Variants in LARP1 observed in about 807,000 individuals in gnomAD.
The protein encoded by LARP1 is La ribonucleoprotein 1, translational regulator, also known as la-related protein 1.
In LARP1, 36 loss-of-function variants were observed where a neutral mutation model predicts 122.7. The observed-to-expected ratio is 0.29, with a 90% CI of 0.22 to 0.39. LARP1 has a LOEUF of 0.39. Ranked by LOEUF, LARP1 falls within the 10% of genes least tolerant of loss-of-function variation. The pLI, the probability that LARP1 is intolerant of heterozygous loss-of-function variation, is 1.00. For missense variants in LARP1, 1,040 were observed against 1,403.6 expected (o/e 0.74, Z 4.14); for synonymous variants, 539 against 528.7 (o/e 1.02, Z -0.27).
chr5:154,805,099 T>C, intron 14 of LARP1: 1 of 337,992 alleles, frequency 3.0e-6, no homozygotes, highest in Non-Finnish European at 5.8e-6. Context: ...TAAAAAATAT[T>C]ACTAAGAAAA....
rs559301337 is a variant in LARP1 at position 154,705,178 on chromosome 5, A to G, written c.-180+22141A>G. On this transcript the variant is annotated intron_variant, in intron 1 of 18. Coordinates refer to the LARP1 transcript ENST00000687700. ...ACACTTCTCAAAAGAAAACATACAC[A>G]CAGCCAACTAGCATATGAAAAAATG... Among the ~76,000 whole-genome samples the G allele has an allele frequency of 4.6e-5, 7 of 152,000 alleles. No individual in the cohort carries two copies. The South Asian group carries it at 1.5e-3, about 32-fold the overall frequency.
At chr5:154,785,924 C>T (rs1756843515) in intron 1 of LARP1, among the ~76,000 whole-genome samples, 1 of 152,166 alleles carries the variant, frequency 6.6e-6, no homozygotes, top group African/African-American at 2.4e-5. Context: ...CTCAAAATAA[C>T]CTTAAGTAAT....
chr5:154,795,394 GA>G, intron 8 of LARP1, 75 bp downstream of exon 8: 1 of 1,470,574 alleles, frequency 6.8e-7, no homozygotes, highest in Non-Finnish European at 9.3e-7. Context: ...GGCCAAGGCA[GA>G]AAGCCCTGGA....
intron 1 of LARP1, among the ~76,000 whole-genome samples, chr5:154,767,202 T>C (rs905076055): frequency 9.2e-5 from 14 of 152,320 alleles, no homozygotes; most frequent in African/African-American, 3.4e-4. Context: ...AATGGGGCTA[T>C]AGCTGGAGTG....
rs367704683 is a variant in LARP1, at chr5:154,793,977, G to A, written c.1046G>A (p.Gly349Glu). The change falls in exon 6 of 19, where the codon GGA becomes GAA. Residue 349 changes from glycine (G) to glutamate (E), a missense_variant. Physicochemically the swap from Gly to Glu is moderately conservative, Grantham distance 98 (BLOSUM62 -2). This residue lies in a region of LARP1 where 178 missense variants were observed against 178.3 expected (regional missense o/e 1.00). Transcript: ENST00000518297. ...GRGRGRGRGRGRGRGGTRTHF... is the reference protein window; with the variant it reads ...GRGRGRGRGRERGRGGTRTHF... ...GGACGGGGGCGTGGTCGCGGCCGGG[G>A]ACGCGGCCGGGGTGGCACTCGAAGT... The A allele has an allele frequency of 6.2e-7, 1 of 1,611,048 alleles. No homozygotes were observed. Among genetic ancestry groups the A allele is most frequent in the Non-Finnish European group, 8.5e-7 (1 of 1,177,930 alleles).
At chr5:154,795,694 T>C (rs1453109094) in intron 8 of LARP1, among the ~76,000 whole-genome samples, 1 of 150,742 alleles carries the variant, frequency 6.6e-6, no homozygotes, top group Non-Finnish European at 1.5e-5. Flanking sequence ...TTCTAAAAGA[T>C]AGACTTGTTA....
chr5:154,775,367 C>A (rs1347681868), intron 1 of LARP1, among the ~76,000 whole-genome samples: 4 of 151,952 alleles, frequency 2.6e-5, no homozygotes, highest in African/African-American at 9.7e-5. Context: ...GTGGCAAGCA[C>A]CTATAGTCCC....
chr5:154,809,166 AAAC>A (rs1759039945), intron 16 of LARP1, among the ~76,000 whole-genome samples: 1 of 152,064 alleles, frequency 6.6e-6, no homozygotes, highest in Non-Finnish European at 1.5e-5. Context: ...GCTATTAAAA[AAAC>A]CTTGAGTCCT....
At chr5:154,790,139 C>T (rs1757225123) in intron 1 of LARP1, among the ~76,000 whole-genome samples, 186 bp from the exon 2 acceptor site, 1 of 152,160 alleles carries the variant, frequency 6.6e-6, no homozygotes, top group Admixed American at 6.5e-5. Flanking sequence ...GTGACTTCTT[C>T]AGGAGTGGGC....
chr5:154,782,077 G>A (rs768552694), intron 1 of LARP1, among the ~76,000 whole-genome samples: 1 of 152,180 alleles, frequency 6.6e-6, no homozygotes, highest in Non-Finnish European at 1.5e-5. Context: ...CTAGATCTGA[G>A]GAGTCAGTCA....
chr5:154,704,485 A>G (rs1180181841), intron 1 of LARP1, among the ~76,000 whole-genome samples: 2 of 152,052 alleles, frequency 1.3e-5, no homozygotes, highest in African/African-American at 4.8e-5. Context: ...GGCCCCTACT[A>G]AAAATACAAA....
intron 1 of LARP1, among the ~76,000 whole-genome samples, chr5:154,771,683 G>T (rs577097773): frequency 1.5e-4 from 23 of 152,342 alleles, no homozygotes; most frequent in African/African-American, 5.3e-4. Flanking sequence ...TCCGCTGGCA[G>T]GGTGGGCTCT....
chr5:154,743,511 A>G (rs996209202), intron 1 of LARP1, among the ~76,000 whole-genome samples: 2 of 151,174 alleles, frequency 1.3e-5, no homozygotes, highest in Non-Finnish European at 2.9e-5. Flanking sequence ...GTTTCACCAG[A>G]TTGTCCAGGC....
At chr5:154,792,856 G>A (rs986310243) in intron 4 of LARP1, 60 bp downstream of exon 4, 1 of 1,530,258 alleles carries the variant, frequency 6.5e-7, no homozygotes. Flanking sequence ...GAAATGTCAG[G>A]ACTCCAGGGG....
At chr5:154,766,475 TG>T (rs1754963946) in intron 1 of LARP1, among the ~76,000 whole-genome samples, 1 of 152,230 alleles carries the variant, frequency 6.6e-6, no homozygotes, top group East Asian at 1.9e-4. Flanking sequence ...CCGAGGTTTA[TG>T]GGATATCTCA....
At chr5:154,796,028 ATT>A (rs1382388695) in intron 8 of LARP1, among the ~76,000 whole-genome samples, 3 of 100,034 alleles carry the variant, frequency 3.0e-5, no homozygotes, top group Non-Finnish European at 5.6e-5. Context: ...TATTATATAT[ATT>A]TTTATATATA....
chr5:154,799,622 T>C lies in LARP1; in HGVS notation c.1409T>C (p.Val470Ala), dbSNP rs374901826. Residue 470 changes from valine (V) to alanine (A), a missense_variant, in exon 9 of 19, where the codon GTT (valine) becomes GCT (alanine). Transcript: ENST00000518297. Reference sequence around the variant, plus strand: ...AAGGACAGCAAGGTGGTGGAGATCGTTGATGAGAAAGTTCGTAGGAGGGAG... The same window carrying C: ...AAGGACAGCAAGGTGGTGGAGATCGCTGATGAGAAAGTTCGTAGGAGGGAG... ...ALKDSKVVEI[V>A]DEKVRRREEP... 2.4e-5 allele frequency: 38 copies of C among 1,614,036 alleles called. No individual in the cohort carries two copies. The highest frequency in any genetic ancestry group is 3.1e-5 in the Non-Finnish European group (37 of 1,180,016).
intron 1 of LARP1, among the ~76,000 whole-genome samples, chr5:154,691,718 G>T (rs1178430241): frequency 6.6e-6 from 1 of 152,102 alleles, no homozygotes; most frequent in Non-Finnish European, 1.5e-5. Flanking sequence ...CAACCTGATA[G>T]CGCTCCTCGG....
At chr5:154,703,363 C>A (rs1412822004) in intron 1 of LARP1, among the ~76,000 whole-genome samples, 1 of 152,136 alleles carries the variant, frequency 6.6e-6, no homozygotes, top group African/African-American at 2.4e-5. Context: ...TAGCTCAGGC[C>A]TTCATGATTG....
Sources: allele counts gnomAD v4.1 joint callset (sites outside exome capture counted in the v4.1 genomes callset), GRCh38; gene constraint gnomAD v4.1.1; regional missense constraint gnomAD v4.1.1; transcripts MANE v1.5; gene names NCBI Gene and HGNC (gene_info 2026-07-23, HGNC 2026-07-21).